GYS2: variants seen among roughly 807,000 people sequenced by gnomAD.
GYS2 encodes the protein glycogen [starch] synthase, liver.
Under a neutral mutation model 85.6 loss-of-function variants are expected in GYS2, and 80 were observed. That is an observed-to-expected ratio of 0.93 (90% CI 0.78 to 1.13). The LOEUF (loss-of-function observed/expected upper bound fraction) is 1.13, where lower values mean the gene tolerates loss of function less well. GYS2 is among the 50% of genes most tolerant of loss of function. The pLI is 0.00. For synonymous variants in GYS2, 328 were observed against 300.7 expected, an observed-to-expected ratio of 1.09 and a Z score of -0.94; for missense variants, 881 against 854.9, an observed-to-expected ratio of 1.03 and a Z score of -0.38.
At position 21,559,074 on chromosome 12, in the gene GYS2, G is replaced by A. The variant is rs774234848; in HGVS notation, c.1308+17C>T. 1 of 1,431,106 alleles carries A rather than the reference G, an allele frequency of 7.0e-7. No homozygotes were observed. The highest frequency in any genetic ancestry group is 9.9e-7 in the Non-Finnish European group (1 of 1,015,160). The allele number at this position is 1,431,106 out of a possible 1,614,324, so 88.7% of individuals were successfully genotyped here. ...TTAATAACTATGGGACATAGTGGGT[G>A]CTTTTTTCCTTATTACCTGAGTTGA... On this transcript the variant is annotated intron_variant, in intron 10 of 15. Transcript: ENST00000261195.
intron 1 of GYS2, among the ~76,000 whole-genome samples, chr12:21,581,562 G>T (rs148231615): frequency 1.3e-5 from 2 of 152,112 alleles, no homozygotes; most frequent in African/African-American, 4.8e-5. Context: ...TCTTTAACTC[G>T]GTGTCTGAGG....
chr12:21,557,815 T>A (rs10770829), intron 11 of GYS2, among the ~76,000 whole-genome samples: 2 of 151,648 alleles, frequency 1.3e-5, no homozygotes, highest in African/African-American at 4.9e-5. Context: ...AGGAGAATGG[T>A]GTGGACCCGG....
chr12:21,557,731 C>A (rs1043704972), intron 11 of GYS2, among the ~76,000 whole-genome samples: 6 of 152,062 alleles, frequency 3.9e-5, no homozygotes, highest in Non-Finnish European at 8.8e-5. Flanking sequence ...AACCCCGTCT[C>A]TACTAAAAAT....
chr12:21,559,301 G>A (rs1405470917), intron 9 of GYS2, 132 bp from the exon 10 acceptor site: 9 of 596,134 alleles, frequency 1.5e-5, no homozygotes, highest in Middle Eastern at 4.4e-4. Context: ...TTAAGTAAAT[G>A]TGTTCACATA....
chr12:21,555,418 A>G (rs1006803309), intron 11 of GYS2, among the ~76,000 whole-genome samples: 1 of 152,186 alleles, frequency 6.6e-6, no homozygotes, highest in Non-Finnish European at 1.5e-5. Context: ...CTAGGTGTAG[A>G]TATTTCAGAA....
intron 1 of GYS2, among the ~76,000 whole-genome samples, chr12:21,598,595 T>C (rs991011873): frequency 6.6e-6 from 1 of 152,078 alleles, no homozygotes. Context: ...ACTTCTCTCT[T>C]AACAAGCTAG....
At chr12:21,571,944 G>A (rs531655569) in intron 4 of GYS2, among the ~76,000 whole-genome samples, 15 of 118,998 alleles carry the variant, frequency 1.3e-4, no homozygotes, top group Admixed American at 9.4e-4. Flanking sequence ...CCTGGCGACA[G>A]AGCAAGACTC....
intron 11 of GYS2, among the ~76,000 whole-genome samples, chr12:21,550,839 G>A (rs1322136888): frequency 6.6e-6 from 1 of 152,082 alleles, no homozygotes; most frequent in East Asian, 1.9e-4. Flanking sequence ...TACTCAGGAG[G>A]TTGGAGCAGG....
In GYS2 at chr12:21,560,474, T is replaced by G. The variant is rs1268363862; in HGVS notation, c.1081A>C (p.Thr361Pro). Residue 361 changes from threonine (T) to proline (P), a missense_variant, in exon 8 of 16, where the codon ACA (threonine) becomes CCA (proline). Physicochemically the swap from Thr to Pro is conservative, Grantham distance 38 (BLOSUM62 -1). Transcript: ENST00000261195. ...FLLRMHKSDI[T>P]VMVFFIMPAK... Reference sequence around the variant, plus strand: ...GGCATAATGAAAAACACCATCACTGTGATGTCACTTTTATGCATCTGATGA... The same window carrying G: ...GGCATAATGAAAAACACCATCACTGGGATGTCACTTTTATGCATCTGATGA... The G allele has an allele frequency of 6.5e-7, 1 of 1,542,966 alleles. No homozygotes were observed. The highest frequency in any genetic ancestry group is 9.0e-7 in the Non-Finnish European group (1 of 1,115,204).
chr12:21,604,355 G>T, intron 1 of GYS2, 117 bp downstream of exon 1: 1 of 768,384 alleles, frequency 1.3e-6, no homozygotes, highest in Non-Finnish European at 2.4e-6. Flanking sequence ...CCGTTTAAAT[G>T]CTTTCCTCAC....
At chr12:21,546,299 A>G (rs1422586740) in intron 12 of GYS2, 45 bp downstream of exon 12, 2 of 1,365,362 alleles carry the variant, frequency 1.5e-6, no homozygotes, top group Non-Finnish European at 1.0e-6. Context: ...AAAATAATAT[A>G]CTAACAAAAT....
chr12:21,565,390 AATATATATATATATATATATATATAT>A (rs55790137), intron 5 of GYS2, among the ~76,000 whole-genome samples: 74 of 73,638 alleles, frequency 1.0e-3, no homozygotes, highest in Admixed American at 2.3e-3. Context: ...CCATCCATGA[AATATATATATATATATATATATATAT>A]ATATATATAT....
In GYS2 at chr12:21,542,603, A is replaced by G. The variant is rs2136842291; in HGVS notation, c.1550-12T>C. 1 of 1,583,530 alleles carries G rather than the reference A, an allele frequency of 6.3e-7. No homozygotes were observed. The highest frequency in any genetic ancestry group is 8.7e-7 in the Non-Finnish European group (1 of 1,152,174). On this transcript the variant is annotated splice_polypyrimidine_tract_variant and intron_variant, in intron 12 of 15. Transcript: ENST00000261195. ...CACAGTGCATTCAGCTGCCAGGGGA[A>G]ATAGACCAAAGCTTGGCTTCAGACC...
At chr12:21,535,966 G>T (rs759088), downstream of GYS2, among the ~76,000 whole-genome samples, 77,211 of 151,874 alleles carry the variant, frequency 0.51, 21,291 homozygotes, top group East Asian at 0.74. Flanking sequence ...TTGAGACATT[G>T]TCATTATTAC....
chr12:21,546,286 CATAAA>C lies in GYS2; in HGVS notation c.1549+53_1549+57del, dbSNP rs1455703311. The C allele has an allele frequency of 6.4e-5, 77 of 1,205,260 alleles. 1 individual carries two copies. The highest frequency in any genetic ancestry group is 9.3e-5 in the South Asian group (7 of 75,106). The allele number at this position is 1,205,260 out of a possible 1,614,324, so 74.7% of individuals were successfully genotyped here. A position where few individuals can be genotyped will look rare whatever the true frequency, so the allele number is the denominator to read the frequency against. On this transcript the variant is annotated intron_variant, in intron 12 of 15. Transcript: ENST00000261195. ...CAACTTTGAATATTATATATATGCA[CATAAA>C]ATAATATACTAACAAAATTCAAAAC... is the stretch of plus-strand genomic sequence containing the variant.
intron 2 of GYS2, 31 bp from the exon 3 acceptor site, chr12:21,576,088 A>T: frequency 6.5e-7 from 1 of 1,548,134 alleles, no homozygotes; most frequent in East Asian, 2.2e-5. Context: ...CCATGTAGTG[A>T]TATTAAGTCA....
Position 21,568,962 on chromosome 12 carries a change from G to C in GYS2, c.726C>G (p.Tyr242Ter). The change falls in exon 5 of 16, where the codon TAC becomes TAG. Residue 242 changes from tyrosine to a stop codon, truncating the protein, a stop_gained. Transcript: ENST00000261195. LOFTEE classifies it high-confidence loss of function. Reference sequence around the variant, plus strand: ...AATGAACGGAAGCTCGCTCCATGCAGTACCGGTGGTAAATCTGCCTTTCCC... The same window carrying C: ...AATGAACGGAAGCTCGCTCCATGCACTACCGGTGGTAAATCTGCCTTTCCC... ...EAGERQIYHR[Y>*]CMERASVHCA... 6.2e-7 allele frequency: 1 copy of C among 1,613,762 alleles called. No individual in the cohort carries two copies. Among genetic ancestry groups the C allele is most frequent in the Non-Finnish European group, 8.5e-7 (1 of 1,179,646 alleles).
chr12:21,568,236 AGT>A (rs1565602779), intron 5 of GYS2, among the ~76,000 whole-genome samples: 1 of 152,166 alleles, frequency 6.6e-6, no homozygotes. Flanking sequence ...AGTTATTGGT[AGT>A]GTTTCATTGT....
At chr12:21,581,386 C>T (rs1437866785) in intron 1 of GYS2, among the ~76,000 whole-genome samples, 6 of 152,134 alleles carry the variant, frequency 3.9e-5, no homozygotes, top group African/African-American at 1.4e-4. Flanking sequence ...GTGTGAAAAT[C>T]CCTGTCCTGT....
Sources: gnomAD v4.1 joint callset for allele counts (sites outside exome capture counted in the v4.1 genomes callset) on GRCh38, gnomAD v4.1.1 for gene constraint, MANE v1.5 for transcripts, NCBI Gene and HGNC (gene_info 2026-07-23, HGNC 2026-07-21) for gene names.